The following WDR81 variants were observed in gnomAD, a reference collection of about 807,000 sequenced individuals.
The protein encoded by WDR81 is WD repeat domain 81.
A neutral mutation model predicts 140.8 loss-of-function variants in WDR81; 92 were observed. The observed-to-expected ratio is 0.65, with a 90% confidence interval of 0.55 to 0.78. WDR81 has a LOEUF of 0.78. Ranked by LOEUF, WDR81 falls within the 30% of genes least tolerant of loss-of-function variation. WDR81 has a pLI of 0.00. For synonymous variants in WDR81, 1,183 were observed against 1,156.4 expected, an observed-to-expected ratio of 1.02 and a Z score of -0.47; for missense variants, 2,502 against 2,636.4, an observed-to-expected ratio of 0.95 and a Z score of 1.12.
At chr17:1,730,598 C>T (rs1033683569) in intron 2 of WDR81, 111 bp downstream of exon 2, 57 of 1,406,752 alleles carry the variant, frequency 4.1e-5, no homozygotes, top group Middle Eastern at 1.8e-4. Context: ...AACCACCCCC[C>T]GGCCAGGTGC....
In WDR81 at chr17:1,735,869, C is replaced by T. The variant is rs906057729; in HGVS notation, c.5325+152C>T. The T allele has an allele frequency of 3.3e-5, 45 of 1,354,336 alleles. No individual in the cohort carries two copies. Among genetic ancestry groups the T allele is most frequent in the Admixed American group, 8.1e-5 (3 of 37,120 alleles). 83.9% of individuals were successfully genotyped at this position (1,354,336 alleles called of 1,614,324 possible). On this transcript the variant is annotated intron_variant, in intron 8 of 9. Coordinates refer to ENST00000409644, the MANE Select transcript of WDR81 (RefSeq NM_001163809.2). The surrounding 1 kb of genome is among the most constrained non-coding windows in gnomAD (Gnocchi z 4.2). Reference sequence around the variant, plus strand: ...AGATCACCCACAGCCACACATCCTGCGGGGCAGGACTCTGGCCTGTGATGG... The same window carrying T: ...AGATCACCCACAGCCACACATCCTGTGGGGCAGGACTCTGGCCTGTGATGG...
Position 1,732,308 on chromosome 17 carries a change from A to G in WDR81, c.4158-17A>G. ...CCTGCAGAACGGCGGGCTGGAGCTC[A>G]TGAGCTCTGTTTCCAGGTTCCCAAG... On this transcript the variant is annotated splice_polypyrimidine_tract_variant and intron_variant, in intron 4 of 9. Coordinates refer to ENST00000409644, the MANE Select transcript of WDR81 (RefSeq NM_001163809.2). The G allele has an allele frequency of 1.9e-6, 3 of 1,611,582 alleles. No homozygotes were observed. Among genetic ancestry groups the G allele is most frequent in the South Asian group, 1.1e-5 (1 of 90,940 alleles).
At chr17:1,734,369 A>G in intron 7 of WDR81, 153 bp downstream of exon 7, 1 of 497,338 alleles carries the variant, frequency 2.0e-6, no homozygotes, top group Non-Finnish European at 2.6e-6. Flanking sequence ...CGAATCTGTT[A>G]GACTTGAGTC....
chr17:1,718,115 A>T (rs1006711200), intron 1 of WDR81, among the ~76,000 whole-genome samples: 2 of 141,072 alleles, frequency 1.4e-5, no homozygotes, highest in South Asian at 2.2e-4. Context: ...CTCCTTATTT[A>T]TTTTTTTTTT....
At chr17:1,732,235 TC>T (rs1402915437) in intron 4 of WDR81, 89 bp from the exon 5 acceptor site, 1 of 1,517,386 alleles carries the variant, frequency 6.6e-7, no homozygotes, top group African/African-American at 1.4e-5. Flanking sequence ...AGACTCCATC[TC>T]AATAAAAATA....
At chr17:1,728,667 C>T (rs1325934793) in intron 1 of WDR81, 41 bp downstream of exon 1, 1 of 1,442,696 alleles carries the variant, frequency 6.9e-7, no homozygotes, top group Admixed American at 2.8e-5. Context: ...AAAAACACCT[C>T]CTGCTGGCCG....
intron 9 of WDR81, 24 bp downstream of exon 9, chr17:1,736,242 C>G (rs1316337791): frequency 6.3e-7 from 1 of 1,586,984 alleles, no homozygotes; most frequent in Admixed American, 1.7e-5. Context: ...TCTCCCTCCC[C>G]TTGCTGCCCA....
rs764897337 is a variant in WDR81 at position 1,735,639 on chromosome 17, C to T, written c.5247C>T (p.Pro1749=). ...RVPLTAVAVM[P]APHTSITMAS... is the part of the protein sequence containing the mutation. The stretch of plus-strand genomic sequence containing the variant: ...CCCTGACTGCGGTGGCTGTCATGCC[C>T]GCCCCCCACACCAGCATCACCATGG... The change falls in exon 8 of 10, where the codon CCC becomes CCT. Residue 1749 remains proline, a synonymous_variant. Coordinates refer to ENST00000409644, the MANE Select transcript of WDR81 (RefSeq NM_001163809.2). The surrounding 1 kb of genome is among the most constrained non-coding windows in gnomAD (Gnocchi z 4.2). The T allele has an allele frequency of 1.7e-5, 28 of 1,612,788 alleles. No homozygotes were observed. Among genetic ancestry groups the T allele is most frequent in the African/African-American group, 4.0e-5 (3 of 74,886 alleles).
chr17:1,722,826 G>A (rs1914946940), upstream of WDR81, among the ~76,000 whole-genome samples: 2 of 151,856 alleles, frequency 1.3e-5, no homozygotes, highest in African/African-American at 4.8e-5. Context: ...CTGAGTAGCT[G>A]GGATTACAGG....
chr17:1,724,254 C>T (rs1275083305), upstream of WDR81, among the ~76,000 whole-genome samples: 1 of 152,226 alleles, frequency 6.6e-6, no homozygotes, highest in Non-Finnish European at 1.5e-5. Flanking sequence ...GTCCCAGCTA[C>T]TCGGGAGGCC....
At position 1,727,630 on chromosome 17, in the gene WDR81, C is replaced by A; in HGVS notation, c.2671C>A (p.Arg891Ser). ...HRFILLYQARRVEDEAQGREL... is the reference protein window; with the variant it reads ...HRFILLYQARSVEDEAQGREL... ...ATTCATCCTCCTGTACCAGGCAAGGCGTGTGGAGGACGAGGCCCAGGGGCG... is the reference window on the plus strand; with the variant it reads ...ATTCATCCTCCTGTACCAGGCAAGGAGTGTGGAGGACGAGGCCCAGGGGCG... Residue 891 changes from arginine to serine, a missense_variant, in exon 1 of 10, where the codon CGT (arginine) becomes AGT (serine). By Grantham distance (110) the Arg-to-Ser change is moderately radical (BLOSUM62 -1). Transcript: ENST00000409644. The A allele has an allele frequency of 1.3e-6, 2 of 1,550,554 alleles. No individual in the cohort carries two copies. Among genetic ancestry groups the A allele is most frequent in the Non-Finnish European group, 1.7e-6 (2 of 1,147,032 alleles).
Position 1,736,110 on chromosome 17 carries a change from T to C in WDR81, c.5397T>C (p.Arg1799=), listed in dbSNP as rs1296289497. 1.2e-6 allele frequency: 2 copies of C among 1,602,698 alleles called. No homozygotes were observed. Among genetic ancestry groups the C allele is most frequent in the Non-Finnish European group, 8.5e-7 (1 of 1,179,830 alleles). Residue 1799 remains arginine, a synonymous_variant, in exon 9 of 10, where the codon CGT becomes CGC. Transcript: ENST00000409644. ...CCCTGGCCATCAGCCCCAGTGGCCG[T>C]AGTGTCGTGGCCGGCTTCTCCTCAG... ...VRALAISPSG[R]SVVAGFSSGF... is the part of the protein sequence containing the mutation.
chr17:1,731,225 C>T lies in WDR81; in HGVS notation c.4124C>T (p.Pro1375Leu), dbSNP rs1411375245. The T allele has an allele frequency of 6.2e-7, 1 of 1,613,598 alleles. No individual in the cohort carries two copies. The highest frequency in any genetic ancestry group is 1.1e-5 in the South Asian group (1 of 91,080). ...CGGATCAGCCATGAGGTCCTGCTGC[C>T]CGTGCTCAGCTTCCTCACCTCCCTC... Reference protein sequence around the residue: ...LPRISHEVLLPVLSFLTSLVT... With the variant: ...LPRISHEVLLLVLSFLTSLVT... Residue 1375 changes from proline to leucine, a missense_variant, in exon 4 of 10, where the codon CCC (proline) becomes CTC (leucine). Physicochemically the swap from Pro to Leu is moderately conservative, Grantham distance 98. This residue lies in a region of WDR81 where 1,737 missense variants were observed against 1,843.0 expected (regional missense o/e 0.94). Transcript: ENST00000409644.
upstream of WDR81, among the ~76,000 whole-genome samples, chr17:1,720,767 GAAAAA>G (rs34403956): frequency 4.8e-5 from 6 of 125,896 alleles, no homozygotes; most frequent in African/African-American, 1.8e-4. Flanking sequence ...TCCGTATCAA[GAAAAA>G]AAAAAAAAAA....
intron 1 of WDR81, among the ~76,000 whole-genome samples, chr17:1,718,511 A>AC (rs1734034012): frequency 6.6e-6 from 1 of 151,936 alleles, no homozygotes; most frequent in African/African-American, 2.4e-5. Context: ...CCACATGGCC[A>AC]CCCCCCATAG....
chr17:1,734,727 C>G (rs1038601813), intron 7 of WDR81, among the ~76,000 whole-genome samples: 1 of 151,256 alleles, frequency 6.6e-6, no homozygotes, highest in Non-Finnish European at 1.5e-5. Context: ...TGCCGTGAGC[C>G]GAGATCGCAC....
At chr17:1,728,702 C>T in intron 1 of WDR81, 76 bp downstream of exon 1, 3 of 1,396,894 alleles carry the variant, frequency 2.1e-6, no homozygotes, top group Non-Finnish European at 2.8e-6. Context: ...CGCCTGTATT[C>T]CCAGCACTTT....
At position 1,728,521 on chromosome 17, in the gene WDR81, C is replaced by T. The variant is rs955710772; in HGVS notation, c.3562C>T (p.Leu1188=). 2 of 1,573,422 alleles carry T rather than the reference C, an allele frequency of 1.3e-6. No individual in the cohort carries two copies. Among genetic ancestry groups the T allele is most frequent in the Non-Finnish European group, 1.7e-6 (2 of 1,157,318 alleles). ...ASELTLSDTV[L]SMETVVAGGS... is the part of the protein sequence containing the mutation. ...TGAGCTCACTCTGTCTGACACGGTGCTGTCCATGGAGACGGTTGTGGCCGG... is the reference window on the plus strand; with the variant it reads ...TGAGCTCACTCTGTCTGACACGGTGTTGTCCATGGAGACGGTTGTGGCCGG... The change falls in exon 1 of 10, where the codon CTG becomes TTG. Residue 1188 remains leucine (L), a synonymous_variant. Transcript: ENST00000409644.
At chr17:1,716,637 A>C in intron 1 of WDR81, 1 of 1,551,644 alleles carries the variant, frequency 6.4e-7, no homozygotes, top group African/African-American at 1.4e-5. Context: ...GCGCTCTGTG[A>C]GTTGGCATTT....
Sources: allele counts gnomAD v4.1 joint callset (sites outside exome capture counted in the v4.1 genomes callset), GRCh38; gene constraint gnomAD v4.1.1; regional missense constraint gnomAD v4.1.1; non-coding constraint Gnocchi (gnomAD v3.1); transcripts MANE v1.5; gene names NCBI Gene and HGNC (gene_info 2026-07-23, HGNC 2026-07-21).